WDR76: variants seen among roughly 807,000 people sequenced by gnomAD.
WDR76 encodes WD repeat-containing protein 76.
WDR76 carries 52 observed loss-of-function variants against 70.2 expected under a neutral mutation model. That is an observed-to-expected ratio of 0.74 (90% CI 0.59 to 0.93). The LOEUF (loss-of-function observed/expected upper bound fraction) is 0.93, where lower values mean the gene tolerates loss of function less well. WDR76 is among the 40% of genes least tolerant of loss of function. The pLI, the probability that WDR76 is intolerant of heterozygous loss-of-function variation, is 0.00. For missense variants in WDR76, 756 were observed against 760.2 expected (o/e 0.99, Z 0.07); for synonymous variants, 292 against 271.1 (o/e 1.08, Z -0.76).
chr15:43,847,699 G>C (rs967977837), intron 8 of WDR76, among the ~76,000 whole-genome samples: 4 of 152,050 alleles, frequency 2.6e-5, no homozygotes, highest in Non-Finnish European at 5.9e-5. Flanking sequence ...GGGTTTACAC[G>C]AATGAGTCAC....
rs2087852044 is a variant in WDR76 at position 43,851,093 on chromosome 15, C to T, written c.1039C>T (p.Gln347Ter). 6.2e-7 allele frequency: 1 copy of T among 1,613,824 alleles called. No homozygotes were observed. Among genetic ancestry groups the T allele is most frequent in the Non-Finnish European group, 8.5e-7 (1 of 1,179,952 alleles). ...TCCCGCAACTCTCTTCCAGACCCAG[C>T]AACCTAAAGAAGATGGAGTTTATGT... ...GQVGLCDLTQ[Q>*]PKEDGVYVFH... is the part of the protein sequence containing the mutation. Residue 347 changes from glutamine (Q) to a stop codon, truncating the protein, a stop_gained, in exon 9 of 13, where the codon CAA (glutamine) becomes TAA (stop). Transcript: ENST00000263795. LOFTEE classifies it high-confidence loss of function.
At chr15:43,840,671 C>T (rs2087713420) in intron 5 of WDR76, among the ~76,000 whole-genome samples, 1 of 152,028 alleles carries the variant, frequency 6.6e-6, no homozygotes, top group Non-Finnish European at 1.5e-5. Context: ...TTTTTTGAAG[C>T]CTCAGCCCAC....
chr15:43,859,140 T>C (rs543076104), intron 11 of WDR76, among the ~76,000 whole-genome samples: 20 of 152,294 alleles, frequency 1.3e-4, no homozygotes, highest in African/African-American at 4.6e-4. Flanking sequence ...AATTTTAGCA[T>C]ACTTTGGGGT....
At chr15:43,853,273 C>T (rs1595449718) in intron 9 of WDR76, among the ~76,000 whole-genome samples, 1 of 151,848 alleles carries the variant, frequency 6.6e-6, no homozygotes, top group African/African-American at 2.4e-5. Context: ...TCACCGCAGC[C>T]TCTGCCTCCC....
At chr15:43,857,458 A>G in intron 10 of WDR76, 1 of 985,370 alleles carries the variant, frequency 1.0e-6, no homozygotes, top group Non-Finnish European at 1.2e-6. Flanking sequence ...ACAGAAAAAA[A>G]AGTTACATGT....
chr15:43,834,527 G>A (rs2087632281), intron 2 of WDR76, among the ~76,000 whole-genome samples: 1 of 150,852 alleles, frequency 6.6e-6, no homozygotes, highest in Non-Finnish European at 1.5e-5. Context: ...GGCCAGGCTG[G>A]TCTCGAACTC....
intron 4 of WDR76, among the ~76,000 whole-genome samples, chr15:43,838,444 C>T (rs1299746216): frequency 1.3e-5 from 2 of 152,110 alleles, no homozygotes. Flanking sequence ...CCTCAGCCTC[C>T]CAAAGTGCTG....
chr15:43,862,038 A>G (rs1355857549), intron 12 of WDR76, among the ~76,000 whole-genome samples: 2 of 151,394 alleles, frequency 1.3e-5, no homozygotes, highest in Non-Finnish European at 2.9e-5. Flanking sequence ...GGGTTTCATC[A>G]TGTTGGTCAG....
intron 5 of WDR76, among the ~76,000 whole-genome samples, chr15:43,840,241 G>T (rs1201735891): frequency 2.0e-5 from 3 of 151,884 alleles, no homozygotes; most frequent in Admixed American, 6.6e-5. Flanking sequence ...TACCTGCTTA[G>T]GATTGTGGGT....
chr15:43,857,718 G>A (rs576566343), intron 10 of WDR76: 1 of 163,880 alleles, frequency 6.1e-6, no homozygotes, highest in African/African-American at 2.4e-5. Flanking sequence ...TACTTGGGAG[G>A]CTGAGGCACA....
chr15:43,854,317 C>T (rs917192024), intron 9 of WDR76, among the ~76,000 whole-genome samples: 7 of 152,214 alleles, frequency 4.6e-5, no homozygotes, highest in African/African-American at 1.7e-4. Flanking sequence ...CACCTGTAAT[C>T]TCAGCACTGA....
chr15:43,839,594 C>A lies in WDR76; in HGVS notation c.609-11C>A. ...TGTGAGTATAACATGAGTTTTTCCC[C>A]ACTCCTTTAGAAAGAAGCCTAAGAG... On this transcript the variant is annotated splice_polypyrimidine_tract_variant and intron_variant, in intron 4 of 12. Coordinates refer to ENST00000263795, the MANE Select transcript of WDR76 (RefSeq NM_024908.4). The A allele has an allele frequency of 6.3e-7, 1 of 1,594,102 alleles. No homozygotes were observed. Among genetic ancestry groups the A allele is most frequent in the South Asian group, 1.2e-5 (1 of 86,866 alleles).
intron 2 of WDR76, among the ~76,000 whole-genome samples, chr15:43,833,320 CTTTTTTTTTT>C (rs572785012): frequency 7.5e-6 from 1 of 134,208 alleles, no homozygotes; most frequent in Non-Finnish European, 1.7e-5. Flanking sequence ...CTTTTCTTTT[CTTTTTTTTTT>C]TTTTTTGAGA....
intron 2 of WDR76, among the ~76,000 whole-genome samples, chr15:43,832,730 C>T (rs1280370447): frequency 6.8e-6 from 1 of 146,502 alleles, no homozygotes; most frequent in Non-Finnish European, 1.5e-5. Flanking sequence ...AGCCATTGCA[C>T]CCGGCTTGCT....
At chr15:43,832,922 T>G (rs1219360426) in intron 2 of WDR76, among the ~76,000 whole-genome samples, 3 of 151,570 alleles carry the variant, frequency 2.0e-5, no homozygotes, top group Non-Finnish European at 4.4e-5. Flanking sequence ...CCAGCTAGTT[T>G]TTTTGTATTT....
chr15:43,846,161 G>C (rs2087785790), intron 8 of WDR76, among the ~76,000 whole-genome samples: 1 of 149,722 alleles, frequency 6.7e-6, no homozygotes, highest in Non-Finnish European at 1.5e-5. Context: ...TTGAAAATAG[G>C]GTACCATGTA....
At chr15:43,842,786 C>T (rs2087741949) in intron 7 of WDR76, 115 bp downstream of exon 7, 5 of 983,048 alleles carry the variant, frequency 5.1e-6, no homozygotes, top group Admixed American at 2.6e-5. Context: ...ACCCTAACAA[C>T]TGTTGTTTTT....
chr15:43,865,706 A>G (rs1035058342), intron 12 of WDR76, among the ~76,000 whole-genome samples: 5 of 152,148 alleles, frequency 3.3e-5, no homozygotes, highest in Admixed American at 6.5e-5. Flanking sequence ...GCCTGGCCAT[A>G]TTATGTATAT....
chr15:43,841,912 G>C (rs1039233421), intron 5 of WDR76, among the ~76,000 whole-genome samples: 5 of 151,804 alleles, frequency 3.3e-5, no homozygotes, highest in Non-Finnish European at 5.9e-5. Flanking sequence ...CTGTCACCCA[G>C]GCTGGAGTGC....
Sources: gnomAD v4.1 joint callset for allele counts (sites outside exome capture counted in the v4.1 genomes callset) on GRCh38, gnomAD v4.1.1 for gene constraint, MANE v1.5 for transcripts, NCBI Gene and HGNC (gene_info 2026-07-23, HGNC 2026-07-21) for gene names.